Variants in WDPCP observed in about 807,000 individuals in gnomAD.
WDPCP encodes WD repeat containing planar cell polarity effector.
WDPCP carries 71 observed loss-of-function variants against 93.1 expected under a neutral mutation model. The observed-to-expected ratio is 0.76, with a 90% CI of 0.63 to 0.93. The LOEUF (loss-of-function observed/expected upper bound fraction) is 0.93, where lower values mean the gene tolerates loss of function less well. Among genes scored for constraint, WDPCP ranks in the 40% least tolerant of loss-of-function variants. WDPCP has a pLI of 0.00. For synonymous variants in WDPCP, 315 were observed against 315.0 expected, an observed-to-expected ratio of 1.00 and a Z score of 0.00; for missense variants, 844 against 887.4, an observed-to-expected ratio of 0.95 and a Z score of 0.62.
chr2:63,322,567 C>T (rs554612600), intron 12 of WDPCP, among the ~76,000 whole-genome samples: 27 of 152,098 alleles, frequency 1.8e-4, no homozygotes, highest in South Asian at 1.7e-3. Context: ...GCACTCACTG[C>T]GAAGGTCTGC....
chr2:63,512,950 A>G (rs1225573224), intron 1 of WDPCP, among the ~76,000 whole-genome samples: 2 of 152,282 alleles, frequency 1.3e-5, no homozygotes, highest in East Asian at 1.9e-4. Context: ...AAGAACAAAG[A>G]AAAAAGAATT....
At chr2:63,648,353 C>T (rs1470886953) in intron 3 of WDPCP, among the ~76,000 whole-genome samples, 1 of 152,028 alleles carries the variant, frequency 6.6e-6, no homozygotes, top group African/African-American at 2.4e-5. Context: ...AATCTGGACT[C>T]GTTGGTCACT....
chr2:63,381,716 A>G (rs1692321453), intron 11 of WDPCP, among the ~76,000 whole-genome samples, 190 bp downstream of exon 11: 1 of 152,182 alleles, frequency 6.6e-6, no homozygotes, highest in Admixed American at 6.5e-5. Flanking sequence ...TATGTTGACA[A>G]ATACTATACA....
intron 12 of WDPCP, among the ~76,000 whole-genome samples, chr2:63,316,406 C>G (rs537739126): frequency 6.6e-6 from 1 of 152,064 alleles, no homozygotes; most frequent in Non-Finnish European, 1.5e-5. Flanking sequence ...AATCCCAGCA[C>G]TCTGGGAGGC....
At chr2:63,539,461 C>G (rs1412908838) in intron 1 of WDPCP, among the ~76,000 whole-genome samples, 1 of 152,074 alleles carries the variant, frequency 6.6e-6, no homozygotes, top group African/African-American at 2.4e-5. Context: ...TTTGGGAGGC[C>G]AAGGAGGGCA....
At chr2:63,661,536 A>G (rs1405305588) in intron 2 of WDPCP, among the ~76,000 whole-genome samples, 1 of 152,212 alleles carries the variant, frequency 6.6e-6, no homozygotes, top group African/African-American at 2.4e-5. Flanking sequence ...TGATAGAATG[A>G]ACATACTTGC....
At chr2:63,499,716 G>A (rs1181988388) in intron 1 of WDPCP, among the ~76,000 whole-genome samples, 2 of 152,210 alleles carry the variant, frequency 1.3e-5, no homozygotes, top group Non-Finnish European at 2.9e-5. Context: ...GTGTAAGGGA[G>A]TAAGAGAGAA....
At chr2:63,553,660 A>G (rs1178732143) in intron 1 of WDPCP, among the ~76,000 whole-genome samples, 1 of 152,142 alleles carries the variant, frequency 6.6e-6, no homozygotes, top group Non-Finnish European at 1.5e-5. Context: ...TTTTCTTGGT[A>G]AGTAGAGCAT....
intron 1 of WDPCP, among the ~76,000 whole-genome samples, chr2:63,505,258 T>C (rs1173622113): frequency 6.6e-6 from 1 of 152,022 alleles, no homozygotes; most frequent in Non-Finnish European, 1.5e-5. Context: ...TACATAAAAT[T>C]TTTAGTATTT....
intron 14 of WDPCP, among the ~76,000 whole-genome samples, chr2:63,183,812 G>C (rs1284275908): frequency 5.9e-5 from 9 of 152,034 alleles, no homozygotes; most frequent in Admixed American, 4.6e-4. Flanking sequence ...CCAGTGTTTG[G>C]TGTGTATATA....
At chr2:63,338,569 AATATATATATATATATAT>A (rs1159039677) in intron 12 of WDPCP, among the ~76,000 whole-genome samples, 8 of 14,492 alleles carry the variant, frequency 5.5e-4, no homozygotes, top group African/African-American at 2.4e-3. Context: ...AAAAAAAAAA[AATATATATATATATATAT>A]ATATATATAT....
intron 2 of WDPCP, among the ~76,000 whole-genome samples, chr2:63,701,209 T>C (rs1385266421): frequency 6.6e-6 from 1 of 152,140 alleles, no homozygotes; most frequent in African/African-American, 2.4e-5. Context: ...GAATAGACAT[T>C]TTTCAAAAGA....
At chr2:63,802,521 T>G (rs972444477) in intron 2 of WDPCP, among the ~76,000 whole-genome samples, 2 of 152,078 alleles carry the variant, frequency 1.3e-5, no homozygotes, top group African/African-American at 4.8e-5. Flanking sequence ...CCTAAAGAAC[T>G]ACCTTGCTGG....
At chr2:63,302,307 C>T (rs1290996790) in intron 13 of WDPCP, among the ~76,000 whole-genome samples, 1 of 152,078 alleles carries the variant, frequency 6.6e-6, no homozygotes, top group Non-Finnish European at 1.5e-5. Context: ...AATATGTCTC[C>T]TATAGTGGGC....
chr2:63,611,821 T>C (rs1709618065), intron 3 of WDPCP, among the ~76,000 whole-genome samples: 1 of 152,220 alleles, frequency 6.6e-6, no homozygotes, highest in Admixed American at 6.5e-5. Context: ...CATTGTTGAA[T>C]AAATGGGTTC....
intron 12 of WDPCP, among the ~76,000 whole-genome samples, chr2:63,376,464 G>T (rs1368286866): frequency 2.0e-5 from 3 of 151,876 alleles, no homozygotes; most frequent in Non-Finnish European, 4.4e-5. Flanking sequence ...AGAGCCAGCA[G>T]GATGGTTACA....
intron 14 of WDPCP, among the ~76,000 whole-genome samples, chr2:63,223,077 C>T (rs1355514812): frequency 6.6e-6 from 1 of 151,974 alleles, no homozygotes; most frequent in African/African-American, 2.4e-5. Flanking sequence ...CTTAATTAAA[C>T]AAAATATGAC....
intron 9 of WDPCP, among the ~76,000 whole-genome samples, chr2:63,432,054 T>C (rs184105123): frequency 1.9e-4 from 29 of 152,270 alleles, no homozygotes; most frequent in African/African-American, 6.0e-4. Context: ...CTACCCTCCT[T>C]AAAAGACGTC....
chr2:63,593,470 T>C, upstream of WDPCP: 1 of 448,912 alleles, frequency 2.2e-6, no homozygotes. Flanking sequence ...GCTGCTAACT[T>C]TCAGAGCTTA....
Sources: allele counts gnomAD v4.1 joint callset (sites outside exome capture counted in the v4.1 genomes callset), GRCh38; gene constraint gnomAD v4.1.1; transcripts MANE v1.5; gene names NCBI Gene and HGNC (gene_info 2026-07-23, HGNC 2026-07-21).